ME3: variants seen among roughly 807,000 people sequenced by gnomAD.
The protein encoded by ME3 is malic enzyme 3, also known as NADP-dependent malic enzyme, mitochondrial.
ME3 carries 48 observed loss-of-function variants against 68.9 expected under a neutral mutation model. That is an observed-to-expected ratio of 0.70 (90% CI 0.55 to 0.89). ME3 has a LOEUF of 0.89. ME3 is among the 40% of genes least tolerant of loss of function. ME3 has a pLI of 0.00. For synonymous variants in ME3, 320 were observed against 318.8 expected, an observed-to-expected ratio of 1.00 and a Z score of -0.04; for missense variants, 675 against 797.4, an observed-to-expected ratio of 0.85 and a Z score of 1.85.
intron 4 of ME3, among the ~76,000 whole-genome samples, chr11:86,541,244 G>GT (rs946667190): frequency 3.6e-4 from 54 of 149,896 alleles, no homozygotes; most frequent in Middle Eastern, 3.5e-3. Flanking sequence ...AGCTGCAGGT[G>GT]TTTTTTTTTT....
chr11:86,540,726 G>A (rs1221355619), intron 4 of ME3, among the ~76,000 whole-genome samples: 1 of 152,136 alleles, frequency 6.6e-6, no homozygotes, highest in Non-Finnish European at 1.5e-5. Flanking sequence ...TTAGGGGCTG[G>A]CCAGCTGAGG....
chr11:86,544,534 C>T (rs540097094), intron 4 of ME3, among the ~76,000 whole-genome samples: 1 of 152,266 alleles, frequency 6.6e-6, no homozygotes, highest in South Asian at 2.1e-4. Context: ...CACTTCTACG[C>T]AAATAAACTA....
At chr11:86,583,588 AAGC>A (rs1958567109) in intron 2 of ME3, among the ~76,000 whole-genome samples, 1 of 152,146 alleles carries the variant, frequency 6.6e-6, no homozygotes, top group African/African-American at 2.4e-5. Context: ...AAATACTACA[AAGC>A]AGGTGCAGTG....
intron 4 of ME3, among the ~76,000 whole-genome samples, chr11:86,531,705 T>C (rs1414410592): frequency 1.3e-5 from 2 of 151,954 alleles, no homozygotes; most frequent in Non-Finnish European, 2.9e-5. Flanking sequence ...TGTAGGGACA[T>C]GGATGAAGCT....
chr11:86,661,603 G>A (rs1360641484), intron 2 of ME3, among the ~76,000 whole-genome samples: 7 of 152,162 alleles, frequency 4.6e-5, no homozygotes, highest in Middle Eastern at 3.2e-3. Context: ...CTCATTATCT[G>A]ACCTAAATAG....
At position 86,466,564 on chromosome 11, in the gene ME3, G is replaced by A. The variant is rs116907187; in HGVS notation, c.810-1364C>T. Among the ~76,000 whole-genome samples the A allele has an allele frequency of 1.5e-3, 228 of 152,242 alleles. 2 individuals are homozygous for A. The highest frequency in any genetic ancestry group is 3.9e-3 in the African/African-American group (160 of 41,544). On this transcript the variant is annotated intron_variant, in intron 7 of 14. Coordinates refer to ENST00000543262, the Ensembl canonical transcript of ME3. ...TGCTTGGGGGGCTTCCTGTGCTCTC[G>A]GGGCATCTTTCTGATGAGGCTGGTG...
chr11:86,616,635 C>A (rs1179578649), intron 2 of ME3, among the ~76,000 whole-genome samples: 4 of 152,138 alleles, frequency 2.6e-5, no homozygotes, highest in Non-Finnish European at 5.9e-5. Flanking sequence ...AAACTCATAA[C>A]TTCAGTCTAA....
intron 2 of ME3, among the ~76,000 whole-genome samples, chr11:86,641,252 A>G (rs781614799): frequency 2.0e-5 from 3 of 152,226 alleles, no homozygotes; most frequent in Non-Finnish European, 4.4e-5. Context: ...CAAAATTAAC[A>G]TAACTCAAGA....
chr11:86,450,437 GC>G, intron 8 of ME3, 39 bp from the exon 9 acceptor site: 1 of 1,556,374 alleles, frequency 6.4e-7, no homozygotes, highest in Non-Finnish European at 8.8e-7. Flanking sequence ...CTGGCCACAG[GC>G]CGCCAGCTCC....
At chr11:86,570,127 A>G (rs1237302292) in intron 2 of ME3, among the ~76,000 whole-genome samples, 1 of 152,182 alleles carries the variant, frequency 6.6e-6, no homozygotes, top group Admixed American at 6.5e-5. Context: ...TTTTACCAGC[A>G]TCATTACTGG....
At chr11:86,443,747 G>T (rs939452661) in intron 13 of ME3, among the ~76,000 whole-genome samples, 1 of 152,154 alleles carries the variant, frequency 6.6e-6, no homozygotes, top group Non-Finnish European at 1.5e-5. Flanking sequence ...AGGGAAGTGG[G>T]CCTCCCTCTC....
At chr11:86,547,242 A>C (rs1461149041) in intron 4 of ME3, among the ~76,000 whole-genome samples, 1 of 150,168 alleles carries the variant, frequency 6.7e-6, no homozygotes, top group Non-Finnish European at 1.5e-5. Context: ...TCCATCTCAA[A>C]AAAAAAAAAA....
At chr11:86,600,953 G>A (rs1194627427) in intron 2 of ME3, among the ~76,000 whole-genome samples, 1 of 150,552 alleles carries the variant, frequency 6.6e-6, no homozygotes, top group Non-Finnish European at 1.5e-5. Context: ...ATTCAAAGCA[G>A]TGTGTAGAGG....
intron 13 of ME3, among the ~76,000 whole-genome samples, chr11:86,443,759 A>G (rs1333356295): frequency 6.6e-6 from 1 of 151,904 alleles, no homozygotes; most frequent in African/African-American, 2.4e-5. Context: ...CTCCCTCTCT[A>G]CCTCCTTCTC....
intron 2 of ME3, among the ~76,000 whole-genome samples, chr11:86,560,105 C>T (rs1233316072): frequency 6.6e-6 from 1 of 152,046 alleles, no homozygotes; most frequent in Non-Finnish European, 1.5e-5. Flanking sequence ...TTTTTTAGAA[C>T]AGTGATATGG....
At chr11:86,456,077 C>T (rs1198871159) in intron 8 of ME3, among the ~76,000 whole-genome samples, 1 of 152,174 alleles carries the variant, frequency 6.6e-6, no homozygotes, top group Non-Finnish European at 1.5e-5. Flanking sequence ...CATTTCAGTT[C>T]TACGGAGTCA....
intron 14 of ME3, among the ~76,000 whole-genome samples, chr11:86,442,231 G>C (rs772080190): frequency 2.0e-5 from 3 of 152,074 alleles, no homozygotes; most frequent in Non-Finnish European, 4.4e-5. Context: ...TTATAGTCTG[G>C]AATATTCCAT....
chr11:86,544,016 C>G (rs1007174723), intron 4 of ME3, among the ~76,000 whole-genome samples: 2 of 148,878 alleles, frequency 1.3e-5, no homozygotes, highest in African/African-American at 5.0e-5. Flanking sequence ...CAAAACTGCA[C>G]AACTACATGT....
Position 86,442,933 on chromosome 11 carries a change from G to T in ME3, c.1555-14C>A. 1 of 1,592,950 alleles carries T rather than the reference G, an allele frequency of 6.3e-7. No individual in the cohort carries two copies. The highest frequency in any genetic ancestry group is 8.6e-7 in the Non-Finnish European group (1 of 1,161,698). On this transcript the variant is annotated splice_polypyrimidine_tract_variant and intron_variant, in intron 13 of 14. Transcript: ENST00000543262. ...CTGGGCAATTTGCTGGGGAGAAGGA[G>T]AGAACCGAGAGGAATAAGCTGAGTC...
Sources: gnomAD v4.1 joint callset for allele counts (sites outside exome capture counted in the v4.1 genomes callset) on GRCh38, gnomAD v4.1.1 for gene constraint, MANE v1.5 for transcripts, NCBI Gene and HGNC (gene_info 2026-07-23, HGNC 2026-07-21) for gene names.